The following ATRNL1 variants were observed in gnomAD, a reference collection of about 807,000 sequenced individuals.
The protein encoded by ATRNL1 is attractin-like protein 1.
A neutral mutation model predicts 182.7 loss-of-function variants in ATRNL1; 95 were observed. The observed-to-expected ratio is 0.52, with a 90% CI of 0.44 to 0.62. The LOEUF (loss-of-function observed/expected upper bound fraction) is 0.62, where lower values mean the gene tolerates loss of function less well. ATRNL1 is among the 20% of genes least tolerant of loss of function. The pLI is 0.00. For synonymous variants in ATRNL1, 576 were observed against 568.3 expected (o/e 1.01, Z -0.19); for missense variants, 1,471 against 1,679.5 (o/e 0.88, Z 2.17).
At chr10:115,699,520 T>A (rs1401136863) in intron 26 of ATRNL1, among the ~76,000 whole-genome samples, 13 of 152,124 alleles carry the variant, frequency 8.5e-5, no homozygotes, top group Admixed American at 8.5e-4. Context: ...TTGATATGTG[T>A]CACTGCAAAT....
chr10:115,873,169 C>T (rs1184790888), intron 28 of ATRNL1, among the ~76,000 whole-genome samples: 1 of 152,134 alleles, frequency 6.6e-6, no homozygotes, highest in African/African-American at 2.4e-5. Context: ...CTTCCTGTGA[C>T]CTTCATATAA....
chr10:115,672,921 C>T (rs1377733932), intron 26 of ATRNL1, among the ~76,000 whole-genome samples: 1 of 152,032 alleles, frequency 6.6e-6, no homozygotes, highest in African/African-American at 2.4e-5. Flanking sequence ...TTTTCCTCCA[C>T]CCTCACCACA....
At chr10:115,540,927 T>G in intron 25 of ATRNL1, among the ~76,000 whole-genome samples, 1 of 152,138 alleles carries the variant, frequency 6.6e-6, no homozygotes, top group East Asian at 1.9e-4. Context: ...TGATCCCTGC[T>G]TTGAATATAA....
At chr10:115,352,043 T>C (rs1163685246) in intron 19 of ATRNL1, among the ~76,000 whole-genome samples, 1 of 152,108 alleles carries the variant, frequency 6.6e-6, no homozygotes, top group Non-Finnish European at 1.5e-5. Context: ...TCAATTTTGG[T>C]AGTTTGTATG....
intron 9 of ATRNL1, among the ~76,000 whole-genome samples, chr10:115,235,017 T>C (rs191173014): frequency 6.6e-6 from 1 of 152,322 alleles, no homozygotes; most frequent in African/African-American, 2.4e-5. Context: ...CAGGATTACA[T>C]CCAGGAGCAT....
At position 115,353,830 on chromosome 10, in the gene ATRNL1, A is replaced by C. The variant is rs536521523; in HGVS notation, c.3175+19411A>C. 3.3e-5 allele frequency among the ~76,000 whole-genome samples: 5 copies of C among 152,348 alleles called. No homozygotes were observed. The South Asian group carries it at 1.0e-3, about 32-fold the overall frequency. ...CTAATCTCAAAGAAGAGGGAACAAA[A>C]GGAAAACAAGCAAAGAAAAAACTAA... On this transcript the variant is annotated intron_variant, in intron 19 of 28. Coordinates refer to ENST00000355044, the MANE Select transcript of ATRNL1 (RefSeq NM_207303.4).
intron 28 of ATRNL1, among the ~76,000 whole-genome samples, chr10:115,873,258 C>T (rs1365507755): frequency 1.3e-5 from 2 of 152,164 alleles, no homozygotes; most frequent in African/African-American, 4.8e-5. Context: ...CTTGCCAAGG[C>T]AAGGATGACA....
At chr10:115,740,774 G>T (rs1948114473) in intron 27 of ATRNL1, among the ~76,000 whole-genome samples, 1 of 151,844 alleles carries the variant, frequency 6.6e-6, no homozygotes, top group Non-Finnish European at 1.5e-5. Context: ...CCAGAGTGCT[G>T]GGATTACAGG....
chr10:115,724,037 A>G (rs1947518696), intron 26 of ATRNL1, among the ~76,000 whole-genome samples: 1 of 143,224 alleles, frequency 7.0e-6, no homozygotes, highest in Non-Finnish European at 1.5e-5. Flanking sequence ...TTTTGGCTTT[A>G]TTGTTCTGCT....
intron 24 of ATRNL1, among the ~76,000 whole-genome samples, chr10:115,475,703 C>T (rs1439028566): frequency 6.6e-6 from 1 of 151,292 alleles, no homozygotes; most frequent in Non-Finnish European, 1.5e-5. Flanking sequence ...TTACCTATTG[C>T]ATTGTAATAA....
At chr10:115,673,633 A>T (rs1945769631) in intron 26 of ATRNL1, among the ~76,000 whole-genome samples, 1 of 152,096 alleles carries the variant, frequency 6.6e-6, no homozygotes, top group Non-Finnish European at 1.5e-5. Flanking sequence ...AAAGTAAAGC[A>T]AATTAATATA....
chr10:115,883,460 G>A (rs1193323577), intron 28 of ATRNL1, among the ~76,000 whole-genome samples: 1 of 152,176 alleles, frequency 6.6e-6, no homozygotes, highest in Non-Finnish European at 1.5e-5. Flanking sequence ...AATTTTTGTA[G>A]CTAAAAACTG....
At chr10:115,566,615 T>A (rs1217785349) in intron 26 of ATRNL1, among the ~76,000 whole-genome samples, 1 of 152,046 alleles carries the variant, frequency 6.6e-6, no homozygotes, top group Non-Finnish European at 1.5e-5. Context: ...GGAATCTGAG[T>A]GGAGTATGTA....
Position 115,624,402 on chromosome 10 carries a change from CAT to C in ATRNL1, c.3795+74871_3795+74872del, listed in dbSNP as rs142170017. ...TTATTGCAAAATAGTCAGCAATAAA[CAT>C]ATATGTTATATAGTTGTAAATATAA... On this transcript the variant is annotated intron_variant, in intron 26 of 28. Coordinates refer to ENST00000355044, the MANE Select transcript of ATRNL1 (RefSeq NM_207303.4). Among the ~76,000 whole-genome samples the C allele has an allele frequency of 1.8e-3, 272 of 152,142 alleles. 2 individuals are homozygous for C. The highest frequency in any genetic ancestry group is 6.4e-3 in the African/African-American group (265 of 41,520).
chr10:115,197,692 A>G (rs1554891365), intron 8 of ATRNL1, among the ~76,000 whole-genome samples: 2 of 152,128 alleles, frequency 1.3e-5, no homozygotes, highest in African/African-American at 4.8e-5. Context: ...TGGGGAATCC[A>G]TATGTAGGAA....
intron 26 of ATRNL1, among the ~76,000 whole-genome samples, chr10:115,557,902 G>A (rs540751592): frequency 4.1e-4 from 62 of 151,980 alleles, no homozygotes; most frequent in African/African-American, 1.1e-3. Context: ...AGAATTAGCC[G>A]GGTGTGGTGG....
At chr10:115,177,398 A>G (rs1264820563) in intron 8 of ATRNL1, among the ~76,000 whole-genome samples, 3 of 152,166 alleles carry the variant, frequency 2.0e-5, no homozygotes, top group Non-Finnish European at 4.4e-5. Flanking sequence ...CAAGAAACTT[A>G]GGATCCTTTT....
rs561076687 is a variant in ATRNL1 at position 115,799,061 on chromosome 10, G to A, written c.3904-48816G>A. Among the ~76,000 whole-genome samples the A allele has an allele frequency of 2.0e-4, 30 of 152,058 alleles. No individual in the cohort carries two copies. In the South Asian group the frequency reaches 3.1e-3, roughly 16 times the overall value. On this transcript the variant is annotated intron_variant, in intron 27 of 28. Coordinates refer to ENST00000355044, the MANE Select transcript of ATRNL1 (RefSeq NM_207303.4). ...GGGCTGGTCTTGAACTCCTGACCTC[G>A]TGTTCCGCCCACCTCAGCCTTCCAA...
At chr10:115,394,371 T>C (rs1182405412) in intron 19 of ATRNL1, among the ~76,000 whole-genome samples, 2 of 152,062 alleles carry the variant, frequency 1.3e-5, no homozygotes, top group East Asian at 3.9e-4. Context: ...TAAAGAAATA[T>C]ACCAAAGTGA....
Sources: allele counts gnomAD v4.1 joint callset (sites outside exome capture counted in the v4.1 genomes callset), GRCh38; gene constraint gnomAD v4.1.1; transcripts MANE v1.5; gene names NCBI Gene and HGNC (gene_info 2026-07-23, HGNC 2026-07-21).